MRPL22: variants seen among roughly 807,000 people sequenced by gnomAD.
MRPL22 encodes large ribosomal subunit protein uL22m.
Under a neutral mutation model 32.4 loss-of-function variants are expected in MRPL22, and 27 were observed. The ratio of observed to expected loss-of-function variants is 0.83; its 90% CI spans 0.61 to 1.15. The LOEUF (loss-of-function observed/expected upper bound fraction) is 1.15. Ranked by LOEUF, MRPL22 falls within the 50% of genes most tolerant of loss-of-function variation. The pLI is 0.00. For synonymous variants in MRPL22, 86 were observed against 87.3 expected (o/e 0.99, Z 0.08); for missense variants, 239 against 260.2 (o/e 0.92, Z 0.56).
At chr5:154,943,620 A>G (rs1319366345) in intron 2 of MRPL22, among the ~76,000 whole-genome samples, 1 of 151,666 alleles carries the variant, frequency 6.6e-6, no homozygotes, top group Non-Finnish European at 1.5e-5. Context: ...ACACATATAT[A>G]TACATATATA....
intron 2 of MRPL22, among the ~76,000 whole-genome samples, chr5:154,944,476 C>T (rs1764462517): frequency 6.6e-6 from 1 of 152,136 alleles, no homozygotes; most frequent in African/African-American, 2.4e-5. Flanking sequence ...TAGTTATTTA[C>T]ACTCAGTCCT....
intron 6 of MRPL22, among the ~76,000 whole-genome samples, chr5:154,964,698 G>A (rs1348858889): frequency 2.6e-5 from 4 of 152,202 alleles, no homozygotes; most frequent in Admixed American, 2.6e-4. Flanking sequence ...CAGGCATTGA[G>A]CTTCTGCTTT....
At chr5:154,956,761 T>C in intron 4 of MRPL22, 1 of 334,720 alleles carries the variant, frequency 3.0e-6, no homozygotes, top group East Asian at 6.2e-5. Flanking sequence ...TTAAGTTTTT[T>C]TCCCTAGGAA....
intron 6 of MRPL22, among the ~76,000 whole-genome samples, chr5:154,965,355 A>G (rs1411325585): frequency 6.6e-6 from 1 of 152,214 alleles, no homozygotes; most frequent in Non-Finnish European, 1.5e-5. Context: ...ACATTCAGAA[A>G]ATAGTAGAAG....
chr5:154,957,450 G>GT (rs971903136), intron 5 of MRPL22, among the ~76,000 whole-genome samples: 5 of 152,000 alleles, frequency 3.3e-5, no homozygotes, highest in African/African-American at 9.7e-5. Context: ...ATATTTATCT[G>GT]TTTTTTACTG....
chr5:154,965,261 G>A (rs1764751005), intron 6 of MRPL22, among the ~76,000 whole-genome samples: 1 of 152,140 alleles, frequency 6.6e-6, no homozygotes, highest in Admixed American at 6.6e-5. Flanking sequence ...AGAATGATGA[G>A]TGTTGAAATG....
intron 5 of MRPL22, among the ~76,000 whole-genome samples, chr5:154,957,820 A>G (rs1224027679): frequency 3.3e-5 from 5 of 151,948 alleles, no homozygotes; most frequent in Non-Finnish European, 5.9e-5. Context: ...CCAACTCTAA[A>G]TGTAGCTAAT....
intron 2 of MRPL22, 116 bp downstream of exon 2, chr5:154,941,381 G>A: frequency 8.0e-7 from 1 of 1,251,056 alleles, no homozygotes; most frequent in Non-Finnish European, 1.1e-6. Context: ...TTACTGAGGC[G>A]AATGAGACAG....
At chr5:154,941,355 G>GT (rs1764412900) in intron 2 of MRPL22, 90 bp downstream of exon 2, 1 of 1,522,270 alleles carries the variant, frequency 6.6e-7, no homozygotes, top group Non-Finnish European at 9.0e-7. Flanking sequence ...GCCTAACTGT[G>GT]TTTTAGGCTC....
intron 2 of MRPL22, among the ~76,000 whole-genome samples, chr5:154,948,759 C>G (rs1486412393): frequency 6.6e-6 from 1 of 152,214 alleles, no homozygotes; most frequent in Non-Finnish European, 1.5e-5. Context: ...TACTTGGAAA[C>G]TTAATGGTAC....
chr5:154,950,740 G>A, intron 2 of MRPL22, 81 bp from the exon 3 acceptor site: 1 of 872,182 alleles, frequency 1.1e-6, no homozygotes, highest in South Asian at 1.4e-5. Flanking sequence ...AAATGGAGCT[G>A]AAGTGGTTCA....
intron 6 of MRPL22, among the ~76,000 whole-genome samples, chr5:154,963,888 C>G (rs1048901427): frequency 3.3e-5 from 5 of 152,180 alleles, no homozygotes; most frequent in Middle Eastern, 3.4e-3. Context: ...GAATGCTCTT[C>G]CAGGAGAAGA....
chr5:154,953,949 G>C (rs1764599346), intron 3 of MRPL22, among the ~76,000 whole-genome samples: 1 of 149,746 alleles, frequency 6.7e-6, no homozygotes, highest in African/African-American at 2.5e-5. Context: ...GCCTCCCAAA[G>C]TGTTGGGATT....
chr5:154,949,329 GA>G (rs1279814355), intron 2 of MRPL22, among the ~76,000 whole-genome samples: 1 of 151,446 alleles, frequency 6.6e-6, no homozygotes, highest in African/African-American at 2.4e-5. Context: ...CAGTGACACT[GA>G]AAAAAAAGGA....
chr5:154,967,038 A>T lies in MRPL22; in HGVS notation c.*141A>T. 1 of 970,970 alleles carries T rather than the reference A, an allele frequency of 1.0e-6. No homozygotes were observed. Among genetic ancestry groups the T allele is most frequent in the Non-Finnish European group, 1.5e-6 (1 of 676,296 alleles). The allele number at this position is 970,970 out of a possible 1,614,324, so 60.1% of individuals were successfully genotyped here. A position where few individuals can be genotyped will look rare whatever the true frequency, so the allele number is the denominator to read the frequency against. On this transcript the variant is annotated 3_prime_UTR_variant, in exon 7 of 7. Transcript: ENST00000523037. The surrounding 1 kb of genome is among the most constrained non-coding windows in gnomAD (Gnocchi z 4.7). ...AACTGCTAGTTGTAAATGAATATTT[A>T]TAAGGCTTTGCCCATTTCTTTTGAG...
intron 1 of MRPL22, 23 bp downstream of exon 1, chr5:154,941,161 G>A (rs887409352): frequency 1.9e-6 from 3 of 1,614,048 alleles, no homozygotes; most frequent in Non-Finnish European, 2.5e-6. Flanking sequence ...TAGTGGTTAA[G>A]CGACAGAAGG....
At chr5:154,966,633 C>T (rs1361739194) in intron 6 of MRPL22, 53 bp from the exon 7 acceptor site, 6 of 1,581,416 alleles carry the variant, frequency 3.8e-6, no homozygotes, top group Non-Finnish European at 5.2e-6. Flanking sequence ...CTCAGCTGAT[C>T]AGGCTTGTGG....
At chr5:154,965,635 A>G (rs947446285) in intron 6 of MRPL22, among the ~76,000 whole-genome samples, 3 of 152,098 alleles carry the variant, frequency 2.0e-5, no homozygotes, top group Non-Finnish European at 4.4e-5. Flanking sequence ...TATGTTGGCC[A>G]AGGTTAAACT....
At chr5:154,945,113 G>C (rs976431473) in intron 2 of MRPL22, among the ~76,000 whole-genome samples, 2 of 152,174 alleles carry the variant, frequency 1.3e-5, no homozygotes, top group African/African-American at 4.8e-5. Context: ...TGGCTGCTGT[G>C]TTGAGAATAG....
Sources: gnomAD v4.1 joint callset for allele counts (sites outside exome capture counted in the v4.1 genomes callset) on GRCh38, gnomAD v4.1.1 for gene constraint, Gnocchi (gnomAD v3.1) non-coding constraint, MANE v1.5 for transcripts, NCBI Gene and HGNC (gene_info 2026-07-23, HGNC 2026-07-21) for gene names.